GPATCH8: variants seen among roughly 807,000 people sequenced by gnomAD.
GPATCH8 encodes G-patch domain containing 8, also known as G patch domain-containing protein 8.
A neutral mutation model predicts 118.3 loss-of-function variants in GPATCH8; 18 were observed. The observed-to-expected ratio is 0.15, with a 90% CI of 0.11 to 0.23. The LOEUF (loss-of-function observed/expected upper bound fraction) is 0.23, where lower values mean the gene tolerates loss of function less well. Ranked by LOEUF, GPATCH8 falls within the 10% of genes least tolerant of loss-of-function variation. GPATCH8 has a pLI of 1.00. For missense variants in GPATCH8, 1,631 were observed against 1,873.8 expected (o/e 0.87, Z 2.39); for synonymous variants, 659 against 684.7 (o/e 0.96, Z 0.59).
chr17:44,452,217 G>C (rs1271757328), intron 3 of GPATCH8, among the ~76,000 whole-genome samples: 1 of 142,470 alleles, frequency 7.0e-6, no homozygotes, highest in Non-Finnish European at 1.5e-5. Context: ...AGGTTGCAGT[G>C]AGCCGAGACT....
chr17:44,406,965 A>G (rs982960340), intron 6 of GPATCH8, among the ~76,000 whole-genome samples: 1 of 152,242 alleles, frequency 6.6e-6, no homozygotes, highest in African/African-American at 2.4e-5. Flanking sequence ...ACATTAGATA[A>G]TAACAAGAAA....
chr17:44,399,171 C>T lies in GPATCH8; in HGVS notation c.2906G>A (p.Arg969Gln), dbSNP rs199963233. The T allele has an allele frequency of 1.2e-4, 189 of 1,611,262 alleles. No individual in the cohort carries two copies. The highest frequency in any genetic ancestry group is 1.2e-4 in the Non-Finnish European group (137 of 1,177,756). ...RSRSSSCSRSRSKRRSRSTTA... is the reference protein window; with the variant it reads ...RSRSSSCSRSQSKRRSRSTTA... ...GGTGCTACGGCTTCTCCGCTTGCTT[C>T]GACTACGACTACAACTGCTGCTGCG... Residue 969 changes from arginine (R) to glutamine (Q), a missense_variant, in exon 8 of 8, where the codon CGA becomes CAA. Arg to Gln is a conservative substitution (Grantham distance 43). Transcript: ENST00000591680.
chr17:44,480,409 G>A (rs565762495), intron 1 of GPATCH8, among the ~76,000 whole-genome samples: 6 of 151,884 alleles, frequency 4.0e-5, no homozygotes, highest in East Asian at 1.9e-4. Context: ...GTGAAACTCC[G>A]TCTCTACTAA....
rs551670881 is a variant in GPATCH8 at position 44,423,997 on chromosome 17, C to A, written c.492+352G>T. ...TTGAAAATAACAGTCTGCTGAATAA[C>A]TCTTCAAAGTTTAACGCGTTAAGAG... On this transcript the variant is annotated intron_variant, in intron 6 of 7. Coordinates refer to ENST00000591680, the MANE Select transcript of GPATCH8 (RefSeq NM_001002909.4). Among the ~76,000 whole-genome samples the A allele has an allele frequency of 4.6e-5, 7 of 152,262 alleles. No individual in the cohort carries two copies. In the South Asian group the frequency reaches 1.2e-3, roughly 27 times the overall value.
chr17:44,434,950 C>T (rs1567983802), intron 5 of GPATCH8, 115 bp downstream of exon 5: 2 of 726,648 alleles, frequency 2.8e-6, no homozygotes, highest in Non-Finnish European at 5.1e-6. Flanking sequence ...TACTAATTAC[C>T]ACCAAATGTC....
At chr17:44,491,474 G>A (rs555989224) in intron 1 of GPATCH8, among the ~76,000 whole-genome samples, 78 of 137,872 alleles carry the variant, frequency 5.7e-4, no homozygotes, top group Middle Eastern at 4.9e-3. Flanking sequence ...GTGACAGAGC[G>A]AGACTCCGTC....
intron 6 of GPATCH8, among the ~76,000 whole-genome samples, chr17:44,408,339 C>T (rs978399809): frequency 1.3e-5 from 2 of 152,148 alleles, no homozygotes; most frequent in African/African-American, 4.8e-5. Context: ...GTGCCTGTCA[C>T]CACACCCGGC....
At chr17:44,484,594 A>T (rs1968626393) in intron 1 of GPATCH8, among the ~76,000 whole-genome samples, 1 of 152,110 alleles carries the variant, frequency 6.6e-6, no homozygotes. Context: ...ATTATTAACT[A>T]AAGTCCATAC....
intron 1 of GPATCH8, among the ~76,000 whole-genome samples, chr17:44,484,229 C>G (rs900891009): frequency 1.6e-4 from 24 of 152,092 alleles, no homozygotes; most frequent in South Asian, 2.1e-4. Context: ...AGCAATTTGC[C>G]TGCCTCAGCC....
At position 44,414,099 on chromosome 17, in the gene GPATCH8, A is replaced by G. The variant is rs190261837; in HGVS notation, c.493-8048T>C. On this transcript the variant is annotated intron_variant, in intron 6 of 7. Coordinates refer to ENST00000591680, the MANE Select transcript of GPATCH8 (RefSeq NM_001002909.4). ...TATATATGTGTGTGTATATATATAT[A>G]TGTGTGTATATATATATGTATATAT... Among the ~76,000 whole-genome samples, 535 of 131,862 alleles carry G rather than the reference A, an allele frequency of 4.1e-3. 14 individuals are homozygous for G. Among genetic ancestry groups the G allele is most frequent in the Admixed American group, 0.02 (232 of 11,888 alleles). 86.5% of individuals were successfully genotyped at this position (131,862 alleles called of 152,430 possible).
intron 7 of GPATCH8, among the ~76,000 whole-genome samples, chr17:44,402,728 G>A (rs545713388): frequency 5.2e-4 from 79 of 152,324 alleles, no homozygotes; most frequent in African/African-American, 1.9e-3. Flanking sequence ...ATGGCAGTCT[G>A]TGGTCAGCAT....
intron 5 of GPATCH8, among the ~76,000 whole-genome samples, chr17:44,432,284 C>T (rs569256992): frequency 7.2e-5 from 11 of 151,966 alleles, no homozygotes; most frequent in East Asian, 1.9e-4. Flanking sequence ...GGTGAACCCT[C>T]GTTTGATGTA....
At position 44,400,137 on chromosome 17, in the gene GPATCH8, G is replaced by A. The variant is rs1311791379; in HGVS notation, c.1940C>T (p.Pro647Leu). Residue 647 changes from proline to leucine, a missense_variant, in exon 8 of 8, where the codon CCT becomes CTT. By Grantham distance (98) the Pro-to-Leu change is moderately conservative (BLOSUM62 -3). This residue lies in a region of GPATCH8 where 922 missense variants were observed against 879.7 expected (regional missense o/e 1.05). Coordinates refer to ENST00000591680, the MANE Select transcript of GPATCH8 (RefSeq NM_001002909.4). ...SACSGLNKQE[P>L]GGSHGSETED... ...TGTCTCAGACCCATGGCTACCCCCA[G>A]GCTCCTGCTTGTTCAGGCCGCTACA... The A allele has an allele frequency of 5.6e-6, 9 of 1,613,732 alleles. No homozygotes were observed. Among genetic ancestry groups the A allele is most frequent in the Non-Finnish European group, 7.6e-6 (9 of 1,179,998 alleles).
chr17:44,400,334 GTT>G lies in GPATCH8; in HGVS notation c.1741_1742del (p.Asn581GlnfsTer6). ...PLYFDFKLSR[N>X]KDARTKGTEK... ...CTGTTCCTTTAGTTCTGGCATCTTT[GTT>G]CCTTGAAAGTTTAAAGTCAAAATAT... On this transcript the variant is annotated frameshift_variant, in exon 8 of 8. Transcript: ENST00000591680. LOFTEE classifies it high-confidence loss of function. The G allele has an allele frequency of 6.2e-7, 1 of 1,614,056 alleles. No individual in the cohort carries two copies. Among genetic ancestry groups the G allele is most frequent in the Non-Finnish European group, 8.5e-7 (1 of 1,179,956 alleles).
At chr17:44,426,793 A>G (rs909251135) in intron 5 of GPATCH8, among the ~76,000 whole-genome samples, 1 of 151,598 alleles carries the variant, frequency 6.6e-6, no homozygotes, top group African/African-American at 2.4e-5. Context: ...GGCAAAAACA[A>G]TCAAGAAGGG....
intron 3 of GPATCH8, among the ~76,000 whole-genome samples, chr17:44,460,276 C>T (rs1216514727): frequency 6.6e-6 from 1 of 152,074 alleles, no homozygotes; most frequent in African/African-American, 2.4e-5. Flanking sequence ...TTGTTTCCTT[C>T]AGATATCTTG....
intron 3 of GPATCH8, among the ~76,000 whole-genome samples, chr17:44,448,004 C>T (rs890607243): frequency 6.6e-6 from 1 of 152,084 alleles, no homozygotes; most frequent in Non-Finnish European, 1.5e-5. Flanking sequence ...AGTACAGTGG[C>T]GTGATCTCAG....
At chr17:44,482,762 G>A (rs1203989005) in intron 1 of GPATCH8, among the ~76,000 whole-genome samples, 1 of 151,646 alleles carries the variant, frequency 6.6e-6, no homozygotes, top group Non-Finnish European at 1.5e-5. Flanking sequence ...TATCAAATAA[G>A]TCAATACTAC....
intron 1 of GPATCH8, among the ~76,000 whole-genome samples, chr17:44,491,642 G>A (rs938388591): frequency 1.3e-5 from 2 of 152,104 alleles, no homozygotes; most frequent in African/African-American, 4.8e-5. Flanking sequence ...GAGGCAAGGA[G>A]TTCAAGACCT....
Sources: gnomAD v4.1 joint callset for allele counts (sites outside exome capture counted in the v4.1 genomes callset) on GRCh38, gnomAD v4.1.1 for gene constraint, gnomAD v4.1.1 regional missense constraint, MANE v1.5 for transcripts, NCBI Gene and HGNC (gene_info 2026-07-23, HGNC 2026-07-21) for gene names.